The following RNF24 variants were observed in gnomAD, a reference collection of about 807,000 sequenced individuals.
RNF24 encodes ring finger protein 24.
RNF24 carries 14 observed loss-of-function variants against 20.0 expected under a neutral mutation model. The observed-to-expected ratio is 0.70, with a 90% CI of 0.46 to 1.10. The LOEUF is 1.10. Among genes scored for constraint, RNF24 ranks in the 50% least tolerant of loss-of-function variants. RNF24 has a pLI of 0.00. For missense variants in RNF24, 124 were observed against 177.6 expected (o/e 0.70, Z 1.71); for synonymous variants, 45 against 61.1 (o/e 0.74, Z 1.23).
chr20:3,945,364 G>A (rs1568619549), intron 3 of RNF24, 146 bp from the exon 4 acceptor site: 4 of 881,184 alleles, frequency 4.5e-6, no homozygotes, highest in Non-Finnish European at 6.6e-6. Flanking sequence ...TACAGTTTGA[G>A]ACAGATCATT....
At chr20:3,959,772 T>C (rs1403362526) in intron 2 of RNF24, among the ~76,000 whole-genome samples, 2 of 152,234 alleles carry the variant, frequency 1.3e-5, no homozygotes, top group African/African-American at 4.8e-5. Context: ...GTGTTGGTAC[T>C]TCTTGATTTT....
chr20:3,934,245 T>G lies in RNF24; in HGVS notation c.309-44A>C. Reference sequence around the variant, plus strand: ...CAGGGGGAAGATGTCAGTCCTATGCTCATGGCACGGCTGTTCTGCTGAACA... The same window carrying G: ...CAGGGGGAAGATGTCAGTCCTATGCGCATGGCACGGCTGTTCTGCTGAACA... On this transcript the variant is annotated intron_variant, in intron 5 of 5. Transcript: ENST00000358395. This position sits in a 1 kb window ranked among gnomAD's most constrained non-coding sequence, Gnocchi z 4.0. 1 of 1,579,184 alleles carries G rather than the reference T, an allele frequency of 6.3e-7. No homozygotes were observed. Among genetic ancestry groups the G allele is most frequent in the Non-Finnish European group, 8.6e-7 (1 of 1,163,156 alleles).
chr20:3,974,744 A>G (rs887977641), intron 1 of RNF24, among the ~76,000 whole-genome samples: 3 of 152,214 alleles, frequency 2.0e-5, no homozygotes, highest in Non-Finnish European at 4.4e-5. Flanking sequence ...CAAAATGATG[A>G]TTAGAGGAAT....
intron 1 of RNF24, among the ~76,000 whole-genome samples, chr20:3,988,998 C>T (rs1980170975): frequency 6.6e-6 from 1 of 152,048 alleles, no homozygotes; most frequent in South Asian, 2.1e-4. Context: ...ATGTGAATGA[C>T]TAAAATACCC....
intron 4 of RNF24, among the ~76,000 whole-genome samples, chr20:3,936,000 T>C (rs553512926): frequency 6.6e-6 from 1 of 152,346 alleles, no homozygotes; most frequent in African/African-American, 2.4e-5. Context: ...GCCATCACCA[T>C]TTCTAGCCTG....
intron 1 of RNF24, 39 bp from the exon 2 acceptor site, chr20:3,964,063 G>C: frequency 6.3e-7 from 1 of 1,592,304 alleles, no homozygotes; most frequent in Non-Finnish European, 8.6e-7. Flanking sequence ...AATAGGTAAA[G>C]ACTAAGAACC....
intron 1 of RNF24, among the ~76,000 whole-genome samples, chr20:4,001,679 G>T (rs780735453): frequency 6.6e-6 from 1 of 152,064 alleles, no homozygotes; most frequent in Non-Finnish European, 1.5e-5. Context: ...AATCACGCCC[G>T]TAGCCCAGCA....
chr20:3,974,240 AC>A (rs1229100775), intron 1 of RNF24: 1 of 1,350,660 alleles, frequency 7.4e-7, no homozygotes, highest in African/African-American at 1.5e-5. Flanking sequence ...AAAAGCATCT[AC>A]AAAAAACAAA....
intron 2 of RNF24, among the ~76,000 whole-genome samples, chr20:3,952,606 G>T: frequency 7.2e-6 from 1 of 139,080 alleles, no homozygotes. Context: ...GCACTGACTA[G>T]CTAGGCCCTC....
intron 3 of RNF24, 41 bp downstream of exon 3, chr20:3,948,196 G>GA: frequency 1.4e-6 from 2 of 1,473,876 alleles, no homozygotes. Flanking sequence ...TTTTTTGGGG[G>GA]GAAAAAAAAA....
chr20:3,950,159 T>TGACTGG (rs11473612), intron 2 of RNF24, among the ~76,000 whole-genome samples: 67,479 of 151,520 alleles, frequency 0.45, 15,562 homozygotes, highest in African/African-American at 0.55. Context: ...CCTTGTATAG[T>TGACTGG]GATGAATGTG....
At position 3,934,779 on chromosome 20, in the gene RNF24, T is replaced by C. The variant is rs147704201; in HGVS notation, c.308+215A>G. Among the ~76,000 whole-genome samples, 230 of 152,286 alleles carry C rather than the reference T, an allele frequency of 1.5e-3. 1 individual carries two copies. Among genetic ancestry groups the C allele is most frequent in the African/African-American group, 5.4e-3 (223 of 41,572 alleles). On this transcript the variant is annotated intron_variant, in intron 5 of 5. Transcript: ENST00000358395. The surrounding 1 kb of genome is among the most constrained non-coding windows in gnomAD (Gnocchi z 4.0). ...TAGGCTCATTTTGGCTCTCTGCCCA[T>C]AGTCCTGACGTGGTGGTCACGTTCC... is the stretch of plus-strand genomic sequence containing the variant.
At chr20:3,976,161 A>T (rs901109299) in intron 1 of RNF24, among the ~76,000 whole-genome samples, 1 of 152,224 alleles carries the variant, frequency 6.6e-6, no homozygotes, top group Non-Finnish European at 1.5e-5. Flanking sequence ...TAAGGCACCC[A>T]GTTTATGGCA....
At chr20:4,009,769 T>C (rs1407516744) in intron 1 of RNF24, among the ~76,000 whole-genome samples, 1 of 152,052 alleles carries the variant, frequency 6.6e-6, no homozygotes, top group African/African-American at 2.4e-5. Context: ...TCTCTTGTAA[T>C]ATCCAGCCAC....
intron 1 of RNF24, among the ~76,000 whole-genome samples, chr20:3,968,622 A>T (rs1409494302): frequency 6.6e-6 from 1 of 152,224 alleles, no homozygotes; most frequent in African/African-American, 2.4e-5. Context: ...TCTCTAAAAG[A>T]GAAAGCTTTT....
chr20:3,938,572 T>C (rs1369694162), intron 4 of RNF24, among the ~76,000 whole-genome samples: 2 of 152,178 alleles, frequency 1.3e-5, no homozygotes, highest in Non-Finnish European at 2.9e-5. Context: ...ATGAAAAGAC[T>C]GGGAGAAAAT....
chr20:4,009,630 T>C (rs1982274263), intron 1 of RNF24, among the ~76,000 whole-genome samples: 1 of 152,088 alleles, frequency 6.6e-6, no homozygotes, highest in Non-Finnish European at 1.5e-5. Context: ...GGTGGGTTGC[T>C]GATAAGTTTA....
intron 4 of RNF24, among the ~76,000 whole-genome samples, chr20:3,938,936 G>A (rs1372076251): frequency 6.6e-6 from 1 of 151,908 alleles, no homozygotes; most frequent in African/African-American, 2.4e-5. Flanking sequence ...TGTAAGTAGA[G>A]ATAAGGTCTC....
At chr20:3,943,041 C>G (rs2090976095) in intron 4 of RNF24, among the ~76,000 whole-genome samples, 1 of 151,974 alleles carries the variant, frequency 6.6e-6, no homozygotes, top group African/African-American at 2.4e-5. Flanking sequence ...GTCTTGAACT[C>G]CTGACCACAG....
Sources: allele counts gnomAD v4.1 joint callset (sites outside exome capture counted in the v4.1 genomes callset), GRCh38; gene constraint gnomAD v4.1.1; non-coding constraint Gnocchi (gnomAD v3.1); transcripts MANE v1.5; gene names NCBI Gene and HGNC (gene_info 2026-07-23, HGNC 2026-07-21).